Variants in HADHA observed in about 807,000 individuals in gnomAD.
The protein encoded by HADHA is hydroxyacyl-CoA dehydrogenase trifunctional multienzyme complex subunit alpha, also known as trifunctional enzyme subunit alpha, mitochondrial.
A neutral mutation model predicts 91.3 loss-of-function variants in HADHA; 59 were observed. The observed-to-expected ratio is 0.65, with a 90% confidence interval of 0.52 to 0.80. HADHA has a LOEUF of 0.80. Among genes scored for constraint, HADHA ranks in the 30% least tolerant of loss-of-function variants. The pLI, the probability that HADHA is intolerant of heterozygous loss-of-function variation, is 0.00. For synonymous variants in HADHA, 320 were observed against 338.9 expected (o/e 0.94, Z 0.61); for missense variants, 800 against 927.6 (o/e 0.86, Z 1.79).
At chr2:26,234,985 A>G (rs543666654) in intron 4 of HADHA, 111 of 152,556 alleles carry the variant, frequency 7.3e-4, no homozygotes, top group African/African-American at 2.6e-3. Flanking sequence ...GAAATCTAAA[A>G]CATTTTAACA....
chr2:26,193,619 T>G lies in HADHA; in HGVS notation c.1843A>C (p.Asn615His). The G allele has an allele frequency of 6.2e-7, 1 of 1,614,060 alleles. No individual in the cohort carries two copies. Among genetic ancestry groups the G allele is most frequent in the Non-Finnish European group, 8.5e-7 (1 of 1,179,944 alleles). Residue 615 changes from asparagine (N) to histidine (H), a missense_variant, in exon 17 of 20, where the codon AAC becomes CAC. Coordinates refer to ENST00000380649, the MANE Select transcript of HADHA (RefSeq NM_000182.5). ...ACCATCTGTGTCAGCAGTTCTGGGT[T>G]TCCACCTCCAAACCGCTCCCCAAAG... is the stretch of plus-strand genomic sequence containing the variant. ...KVFGERFGGG[N>H]PELLTQMVSK...
intron 16 of HADHA, among the ~76,000 whole-genome samples, 177 bp downstream of exon 16, chr2:26,194,393 G>A (rs1322211519): frequency 6.6e-6 from 1 of 152,194 alleles, no homozygotes; most frequent in Non-Finnish European, 1.5e-5. Flanking sequence ...GCCCCTTTCA[G>A]TGCAGTATAA....
chr2:26,201,649 A>G (rs1303529996), intron 12 of HADHA, among the ~76,000 whole-genome samples: 1 of 152,270 alleles, frequency 6.6e-6, no homozygotes, highest in Non-Finnish European at 1.5e-5. Context: ...TAACATGAAT[A>G]CTAGAATGGC....
chr2:26,190,948 C>T lies in HADHA; in HGVS notation c.*302G>A, dbSNP rs1049987. 0.19 allele frequency: 99,540 copies of T among 511,080 alleles called. 10,723 individuals are homozygous for T. Among genetic ancestry groups the T allele is most frequent in the Middle Eastern group, 0.23 (428 of 1,842 alleles). 31.7% of individuals were successfully genotyped at this position (511,080 alleles called of 1,614,324 possible). ...CCCTCACCACCCCTGGCCACCCTGGCCTCTTGGGAGGAACAGGCAGAGAGG... is the reference window on the plus strand; with the variant it reads ...CCCTCACCACCCCTGGCCACCCTGGTCTCTTGGGAGGAACAGGCAGAGAGG... On this transcript the variant is annotated 3_prime_UTR_variant, in exon 20 of 20. Coordinates refer to ENST00000380649, the MANE Select transcript of HADHA (RefSeq NM_000182.5).
rs146177789 is a variant in HADHA at position 26,221,072 on chromosome 2, C to CA, written c.677-5898dup. ...GTGTTGCACGTGGCCCCTCCTACCA[C>CA]AAAAAAACACGGAGAACACCTGGTG... On this transcript the variant is annotated intron_variant, in intron 7 of 19. Transcript: ENST00000380649. The surrounding 1 kb of genome is among the most constrained non-coding windows in gnomAD (Gnocchi z 4.8). 5.1e-4 allele frequency among the ~76,000 whole-genome samples: 77 copies of CA among 152,206 alleles called. No individual in the cohort carries two copies. The highest frequency in any genetic ancestry group is 9.6e-4 in the Non-Finnish European group (65 of 68,002).
chr2:26,230,396 T>A, intron 6 of HADHA, 102 bp from the exon 7 acceptor site: 1 of 782,114 alleles, frequency 1.3e-6, no homozygotes. Context: ...ATGAGAAAAG[T>A]CAAGCCATAT....
Position 26,199,719 on chromosome 2 carries a change from A to G in HADHA, c.1392+1430T>C, listed in dbSNP as rs1189704926. On this transcript the variant is annotated intron_variant, in intron 13 of 19. Coordinates refer to ENST00000380649, the MANE Select transcript of HADHA (RefSeq NM_000182.5). The stretch of plus-strand genomic sequence containing the variant: ...GGTAGCCTCTTTTTTTATTTTTTAA[A>G]TTATTTATCTTTTTTTCTTCCTGAC... Among the ~76,000 whole-genome samples the G allele has an allele frequency of 2.6e-5, 4 of 152,086 alleles. No individual in the cohort carries two copies. The East Asian group carries it at 7.7e-4, about 29-fold the overall frequency.
chr2:26,234,270 T>A lies in HADHA; in HGVS notation c.400A>T (p.Thr134Ser). ...QRIVEKLEKS[T>S]KPIVAAINGS... ...TTGATGGCAGCCACAATAGGCTTTGTGGACTTTTCAAGTTTCTCAACTATT... is the reference window on the plus strand; with the variant it reads ...TTGATGGCAGCCACAATAGGCTTTGAGGACTTTTCAAGTTTCTCAACTATT... Residue 134 changes from threonine to serine, a missense_variant, in exon 5 of 20, where the codon ACA (threonine) becomes TCA (serine). Physicochemically the swap from Thr to Ser is moderately conservative, Grantham distance 58. Coordinates refer to ENST00000380649, the MANE Select transcript of HADHA (RefSeq NM_000182.5). The A allele has an allele frequency of 6.2e-7, 1 of 1,613,880 alleles. No individual in the cohort carries two copies. Among genetic ancestry groups the A allele is most frequent in the Non-Finnish European group, 8.5e-7 (1 of 1,179,746 alleles).
intron 5 of HADHA, among the ~76,000 whole-genome samples, chr2:26,232,679 C>T (rs537953343): frequency 6.6e-6 from 1 of 152,268 alleles, no homozygotes; most frequent in African/African-American, 2.4e-5. Flanking sequence ...GTTTTTCCCT[C>T]CATATTCTGG....
intron 18 of HADHA, among the ~76,000 whole-genome samples, chr2:26,191,841 T>C (rs1254388718): frequency 6.6e-6 from 1 of 152,208 alleles, no homozygotes; most frequent in Admixed American, 6.5e-5. Flanking sequence ...ACTGAGCACC[T>C]AGAACAGGGC....
intron 5 of HADHA, among the ~76,000 whole-genome samples, chr2:26,232,973 G>C (rs1670661026): frequency 6.6e-6 from 1 of 151,940 alleles, no homozygotes; most frequent in African/African-American, 2.4e-5. Flanking sequence ...CTGGGGGTGG[G>C]GTGGGAGGGA....
At chr2:26,217,822 G>C (rs1475430948) in intron 7 of HADHA, among the ~76,000 whole-genome samples, 1 of 152,076 alleles carries the variant, frequency 6.6e-6, no homozygotes, top group Admixed American at 6.5e-5. Flanking sequence ...TGGAAAGATT[G>C]CTTGAGCCCA....
rs746596563 is a variant in HADHA at position 26,194,585 on chromosome 2, G to A, written c.1674C>T (p.Val558=). 6.2e-7 allele frequency: 1 copy of A among 1,608,924 alleles called. No individual in the cohort carries two copies. Among genetic ancestry groups the A allele is most frequent in the Non-Finnish European group, 8.5e-7 (1 of 1,175,292 alleles). The change falls in exon 16 of 20, where the codon GTC becomes GTT. Residue 558 remains valine (V), a synonymous_variant. Coordinates refer to ENST00000380649, the MANE Select transcript of HADHA (RefSeq NM_000182.5). ...TRCLAPMMSE[V]IRILQEGVDP... ...CAATACCAACCTGGAGGATTCGGAT[G>A]ACTTCAGACATCATGGGCGCAAGAC...
intron 13 of HADHA, 112 bp downstream of exon 13, chr2:26,201,037 A>G (rs1669818688): frequency 1.2e-6 from 1 of 839,116 alleles, no homozygotes; most frequent in Non-Finnish European, 2.0e-6. Context: ...CAGCCTTTGA[A>G]TAGTCCTTTT....
intron 7 of HADHA, among the ~76,000 whole-genome samples, chr2:26,227,493 C>T (rs1178881669): frequency 7.0e-6 from 1 of 141,926 alleles, no homozygotes; most frequent in Non-Finnish European, 1.5e-5. Flanking sequence ...GCCTGGGCAA[C>T]AGAGCGAGAC....
In HADHA at chr2:26,204,094, C is replaced by G. The variant is rs781338540; in HGVS notation, c.1188G>C (p.Ala396=). Residue 396 remains alanine (A), a synonymous_variant, in exon 12 of 20, where the codon GCG becomes GCC. Transcript: ENST00000380649. ...ACACTTGTTGCTGTCCTCGGTCTAG[C>G]GCAGTGAGGGTGGCATCTTTAAGTA... ...KTILKDATLT[A]LDRGQQQVFK... 1 of 1,613,880 alleles carries G rather than the reference C, an allele frequency of 6.2e-7. No homozygotes were observed. The highest frequency in any genetic ancestry group is 2.2e-5 in the East Asian group (1 of 44,892).
In HADHA at chr2:26,210,165, A is replaced by T. The variant is rs777402780; in HGVS notation, c.976-276T>A. 6.6e-6 allele frequency among the ~76,000 whole-genome samples: 1 copy of T among 152,198 alleles called. No individual in the cohort carries two copies. Among genetic ancestry groups the T allele is most frequent in the Non-Finnish European group, 1.5e-5 (1 of 68,036 alleles). On this transcript the variant is annotated intron_variant, in intron 10 of 19. Coordinates refer to ENST00000380649, the MANE Select transcript of HADHA (RefSeq NM_000182.5). This position sits in a 1 kb window ranked among gnomAD's most constrained non-coding sequence, Gnocchi z 4.0. ...AGATTCTTTACACCAGAGGTGTGGTAACCTTTTTCATAAAACTAGAGTCTC... is the reference window on the plus strand; with the variant it reads ...AGATTCTTTACACCAGAGGTGTGGTTACCTTTTTCATAAAACTAGAGTCTC...
chr2:26,218,818 G>A (rs1670299482), intron 7 of HADHA, among the ~76,000 whole-genome samples: 1 of 151,780 alleles, frequency 6.6e-6, no homozygotes, highest in Non-Finnish European at 1.5e-5. Flanking sequence ...GACCAGCCTG[G>A]CCAAGATAGT....
At chr2:26,244,355 G>GT (rs1671019052) in intron 1 of HADHA, among the ~76,000 whole-genome samples, 175 bp downstream of exon 1, 1 of 152,250 alleles carries the variant, frequency 6.6e-6, no homozygotes, top group South Asian at 2.1e-4. Flanking sequence ...GAGAGGGGAA[G>GT]TGACAGTCTC....
Sources: allele counts gnomAD v4.1 joint callset (sites outside exome capture counted in the v4.1 genomes callset), GRCh38; gene constraint gnomAD v4.1.1; non-coding constraint Gnocchi (gnomAD v3.1); transcripts MANE v1.5; gene names NCBI Gene and HGNC (gene_info 2026-07-23, HGNC 2026-07-21).